CSNK2A2IP: variants seen among roughly 807,000 people sequenced by gnomAD.
CSNK2A2IP encodes casein kinase 2 subunit alpha' interacting protein.
the CSNK2A2IP span, among the ~76,000 whole-genome samples, chr3:88,453,876 A>C: frequency 2.2e-4 from 33 of 152,046 alleles, no homozygotes; most frequent in Non-Finnish European, 4.0e-4. Context: ...ACAGTTTTTG[A>C]CTATTCAAAA....
chr3:88,341,114 A>C, the CSNK2A2IP span, among the ~76,000 whole-genome samples: 1 of 151,976 alleles, frequency 6.6e-6, no homozygotes, highest in Non-Finnish European at 1.5e-5. Context: ...ATAATATGAA[A>C]ATGTTACAAA....
chr3:88,439,023 C>A, the CSNK2A2IP span, among the ~76,000 whole-genome samples: 1 of 152,132 alleles, frequency 6.6e-6, no homozygotes, highest in African/African-American at 2.4e-5. Context: ...AGCCTGATTG[C>A]GTCTCTAGCA....
At chr3:88,368,963 A>G in the CSNK2A2IP span, among the ~76,000 whole-genome samples, 2 of 151,982 alleles carry the variant, frequency 1.3e-5, no homozygotes, top group Non-Finnish European at 2.9e-5. Flanking sequence ...TCCTGAAATA[A>G]TCACTGGTGG....
chr3:88,396,565 A>G, the CSNK2A2IP span, among the ~76,000 whole-genome samples: 4 of 152,348 alleles, frequency 2.6e-5, no homozygotes, highest in African/African-American at 9.6e-5. Context: ...AACAAGGAAC[A>G]TGAGAAACGA....
At chr3:88,357,646 A>G in the CSNK2A2IP span, among the ~76,000 whole-genome samples, 3 of 152,180 alleles carry the variant, frequency 2.0e-5, no homozygotes, top group Non-Finnish European at 4.4e-5. Context: ...TAAGGATTGC[A>G]TTGAATCTGT....
chr3:88,422,427 T>C, the CSNK2A2IP span, among the ~76,000 whole-genome samples: 6 of 152,308 alleles, frequency 3.9e-5, no homozygotes, highest in Admixed American at 6.5e-5. Context: ...TTCAGACATT[T>C]AAAAAGTGAT....
At chr3:88,446,042 CTTTCTTTCTT>C in the CSNK2A2IP span, among the ~76,000 whole-genome samples, 5 of 40,054 alleles carry the variant, frequency 1.2e-4, 1 homozygote, top group Non-Finnish European at 2.1e-4. Context: ...TTCTTTCTTT[CTTTCTTTCTT>C]TCTTTCTTTC....
At chr3:88,376,614 A>G in the CSNK2A2IP span, among the ~76,000 whole-genome samples, 3 of 151,412 alleles carry the variant, frequency 2.0e-5, no homozygotes, top group African/African-American at 7.3e-5. Flanking sequence ...TACATTCACT[A>G]TTTTTTTTCA....
At chr3:88,463,501 A>T in the CSNK2A2IP span, among the ~76,000 whole-genome samples, 1 of 152,196 alleles carries the variant, frequency 6.6e-6, no homozygotes, top group African/African-American at 2.4e-5. Context: ...TTGTAATAAC[A>T]GACACTTCTC....
chr3:88,378,273 C>T, the CSNK2A2IP span, among the ~76,000 whole-genome samples: 2 of 151,872 alleles, frequency 1.3e-5, no homozygotes, highest in Non-Finnish European at 1.5e-5. Flanking sequence ...ATATACTTCA[C>T]TCCTTCTGGA....
chr3:88,390,931 A>T, the CSNK2A2IP span, among the ~76,000 whole-genome samples: 1 of 152,222 alleles, frequency 6.6e-6, no homozygotes, highest in Non-Finnish European at 1.5e-5. Context: ...AATTAAAAAC[A>T]TTGGCGCTTA....
At chr3:88,370,669 A>G in the CSNK2A2IP span, among the ~76,000 whole-genome samples, 58 of 149,182 alleles carry the variant, frequency 3.9e-4, no homozygotes, top group Non-Finnish European at 7.0e-4. Context: ...CATTTTTTGA[A>G]AAAACACAAG....
the CSNK2A2IP span, among the ~76,000 whole-genome samples, chr3:88,375,812 T>A: frequency 6.6e-6 from 1 of 151,786 alleles, no homozygotes; most frequent in Non-Finnish European, 1.5e-5. Flanking sequence ...CTGACCCACA[T>A]ATTCACTCAA....
the CSNK2A2IP span, among the ~76,000 whole-genome samples, chr3:88,423,409 T>C: frequency 6.6e-6 from 1 of 152,194 alleles, no homozygotes; most frequent in South Asian, 2.1e-4. Flanking sequence ...GAAGTTGTGA[T>C]GAAGGAAGTG....
the CSNK2A2IP span, among the ~76,000 whole-genome samples, chr3:88,433,812 G>A: frequency 5.3e-5 from 8 of 152,252 alleles, no homozygotes; most frequent in South Asian, 1.5e-3. Context: ...TGCTGATCTT[G>A]ATTACTTATA....
At chr3:88,386,325 C>T in the CSNK2A2IP span, among the ~76,000 whole-genome samples, 2 of 152,240 alleles carry the variant, frequency 1.3e-5, no homozygotes, top group East Asian at 3.9e-4. Flanking sequence ...AGGGTTTCAC[C>T]ATGTTGGCCG....
the CSNK2A2IP span, among the ~76,000 whole-genome samples, chr3:88,383,390 G>A: frequency 6.6e-6 from 1 of 152,168 alleles, no homozygotes; most frequent in Non-Finnish European, 1.5e-5. Flanking sequence ...TCTATAAAAT[G>A]ATGATGACAA....
the CSNK2A2IP span, among the ~76,000 whole-genome samples, chr3:88,411,170 G>T: frequency 8.6e-5 from 13 of 151,958 alleles, no homozygotes; most frequent in Middle Eastern, 3.4e-3. Flanking sequence ...GAACATCAAA[G>T]AATGTGATTA....
At chr3:88,425,788 C>T in the CSNK2A2IP span, among the ~76,000 whole-genome samples, 3 of 151,992 alleles carry the variant, frequency 2.0e-5, no homozygotes, top group African/African-American at 7.2e-5. Context: ...GAAGAGTGTG[C>T]TTTTCCACCA....
Sources: gnomAD v4.1 joint callset for allele counts (sites outside exome capture counted in the v4.1 genomes callset) on GRCh38, gnomAD v4.1.1 for gene constraint, MANE v1.5 for transcripts, NCBI Gene and HGNC (gene_info 2026-07-23, HGNC 2026-07-21) for gene names.